LAMA4: variants seen among roughly 807,000 people sequenced by gnomAD.
LAMA4 encodes laminin subunit alpha 4, also known as laminin subunit alpha-4.
Under a neutral mutation model 207.1 loss-of-function variants are expected in LAMA4, and 127 were observed. That is an observed-to-expected ratio of 0.61 (90% CI 0.53 to 0.71). The LOEUF is 0.71. Ranked by LOEUF, LAMA4 falls within the 30% of genes least tolerant of loss-of-function variation. The pLI, the probability that LAMA4 is intolerant of heterozygous loss-of-function variation, is 0.00. For missense variants in LAMA4, 2,093 were observed against 2,246.5 expected, an observed-to-expected ratio of 0.93 and a Z score of 1.38; for synonymous variants, 761 against 816.0, an observed-to-expected ratio of 0.93 and a Z score of 1.15.
At chr6:112,249,591 A>C (rs1180976996) in intron 2 of LAMA4, among the ~76,000 whole-genome samples, 1 of 151,954 alleles carries the variant, frequency 6.6e-6, no homozygotes, top group African/African-American at 2.4e-5. Context: ...TGTGCTGCTT[A>C]CAAGCAGGGG....
Position 112,185,224 on chromosome 6 carries a change from C to G in LAMA4, c.1077+13G>C, listed in dbSNP as rs782675135. 2.7e-6 allele frequency: 4 copies of G among 1,508,424 alleles called. No individual in the cohort carries two copies. In the South Asian group the frequency reaches 4.5e-5, roughly 17 times the overall value. The allele number at this position is 1,508,424 out of a possible 1,614,324, so 93.4% of individuals were successfully genotyped here. A position where few individuals can be genotyped will look rare whatever the true frequency, so the allele number is the denominator to read the frequency against. ...TGAAGGCTGTCCCAGAAACTGAATA[C>G]ATACATACGTACCTTTTCAACTAAT... On this transcript the variant is annotated intron_variant, in intron 9 of 38. Transcript: ENST00000230538.
Position 112,229,751 on chromosome 6 carries a change from G to A in LAMA4, c.196-13282C>T, listed in dbSNP as rs147664018. 3.2e-3 allele frequency among the ~76,000 whole-genome samples: 492 copies of A among 152,306 alleles called. 3 individuals are homozygous for A. The highest frequency in any genetic ancestry group is 0.01 in the African/African-American group (432 of 41,570). On this transcript the variant is annotated intron_variant, in intron 2 of 38. Transcript: ENST00000230538. ...TCTAAAGAAAGATGGATTTCACTCCGCGTATCATAATTCCTCTATCATAAT... is the reference window on the plus strand; with the variant it reads ...TCTAAAGAAAGATGGATTTCACTCCACGTATCATAATTCCTCTATCATAAT...
intron 3 of LAMA4, among the ~76,000 whole-genome samples, chr6:112,215,137 G>A (rs41375645): frequency 0.015 from 2,341 of 152,270 alleles, 72 homozygotes; most frequent in African/African-American, 0.053. Flanking sequence ...ACAGGAAACC[G>A]GAGATGGAAG....
Position 112,109,116 on chromosome 6 carries a change from ATG to A in LAMA4, c.*319_*320del, listed in dbSNP as rs1325969661. The stretch of plus-strand genomic sequence containing the variant: ...CTGAGAATCTAGCCGCACTTCAAAA[ATG>A]TGTGCAAGTGTTTATTTGGAATCCC... On this transcript the variant is annotated 3_prime_UTR_variant, in exon 39 of 39. Transcript: ENST00000230538. 1 of 330,228 alleles carries A rather than the reference ATG, an allele frequency of 3.0e-6. No individual in the cohort carries two copies. The highest frequency in any genetic ancestry group is 5.7e-6 in the Non-Finnish European group (1 of 174,352). The allele number at this position is 330,228 out of a possible 1,614,324, so 20.5% of individuals were successfully genotyped here.
Position 112,114,114 on chromosome 6 carries a change from A to G in LAMA4, c.5288T>C (p.Ile1763Thr), listed in dbSNP as rs782557878. Residue 1763 changes from isoleucine (I) to threonine (T), a missense_variant, in exon 38 of 39, where the codon ATT (isoleucine) becomes ACT (threonine). By Grantham distance (89) the Ile-to-Thr change is moderately conservative (BLOSUM62 -1). Transcript: ENST00000230538. ...HVVGPLNPKP[I>T]DHREPVFVGG... ...AACAAACACAGGCTCCCTGTGATCA[A>G]TTGGTTTTGGATTCAGGGGTCCAAC... The G allele has an allele frequency of 4.3e-6, 7 of 1,613,852 alleles. No homozygotes were observed. The highest frequency in any genetic ancestry group is 1.6e-4 in the Middle Eastern group (1 of 6,084).
Position 112,187,527 on chromosome 6 carries a change from C to G in LAMA4, c.889G>C (p.Gly297Arg). 6.2e-7 allele frequency: 1 copy of G among 1,614,110 alleles called. No individual in the cohort carries two copies. The highest frequency in any genetic ancestry group is 8.5e-7 in the Non-Finnish European group (1 of 1,180,008). The change falls in exon 8 of 39, where the codon GGG becomes CGG. Residue 297 changes from glycine to arginine, a missense_variant. Physicochemically the swap from Gly to Arg is moderately radical, Grantham distance 125 (BLOSUM62 -2). Around this residue, in one of 3 missense-constraint regions of LAMA4, gnomAD observed 1,704 missense variants for 1,788.4 expected, o/e 0.95. Coordinates refer to ENST00000230538, the MANE Select transcript of LAMA4 (RefSeq NM_001105206.3). ...GCCCCAGAGGATACGCTCAGCACCC[C>G]GGATTTGCCTTCCTCGATGGAGAGC... ...AALSIEEGKSGVLSVSSGAAA... is the reference protein window; with the variant it reads ...AALSIEEGKSRVLSVSSGAAA...
chr6:112,179,146 A>G (rs1782196501), intron 9 of LAMA4: 1 of 152,180 alleles, frequency 6.6e-6, no homozygotes, highest in African/African-American at 2.4e-5. Context: ...TTCTCCGAGA[A>G]GCTGATTCCA....
intron 2 of LAMA4, among the ~76,000 whole-genome samples, chr6:112,232,851 T>A (rs1388465488): frequency 6.6e-6 from 1 of 152,190 alleles, no homozygotes; most frequent in African/African-American, 2.4e-5. Context: ...TTTAAAGCAA[T>A]TCTGTTATCT....
At chr6:112,177,658 G>A (rs1201669366) in intron 10 of LAMA4, among the ~76,000 whole-genome samples, 1 of 152,174 alleles carries the variant, frequency 6.6e-6, no homozygotes, top group South Asian at 2.1e-4. Context: ...TTTTCTTCTG[G>A]GTTGGGGCCC....
chr6:112,154,252 A>T (rs1554336340), intron 16 of LAMA4, among the ~76,000 whole-genome samples: 1 of 151,252 alleles, frequency 6.6e-6, no homozygotes, highest in African/African-American at 2.4e-5. Context: ...TCACCCTTGG[A>T]TGTGCACACT....
At chr6:112,244,285 C>T (rs1441368285) in intron 2 of LAMA4, among the ~76,000 whole-genome samples, 1 of 152,076 alleles carries the variant, frequency 6.6e-6, no homozygotes. Context: ...CATTAGCATA[C>T]CAAAAGAAAC....
rs1554333497 is a variant in LAMA4, at chr6:112,142,238, T to G, written c.2548A>C (p.Thr850Pro). The change falls in exon 20 of 39, where the codon ACC (threonine) becomes CCC (proline). Residue 850 changes from threonine (T) to proline (P), a missense_variant. Physicochemically the swap from Thr to Pro is conservative, Grantham distance 38 (BLOSUM62 -1). This residue lies in a region of LAMA4 where 1,704 missense variants were observed against 1,788.4 expected (regional missense o/e 0.95). Coordinates refer to ENST00000230538, the MANE Select transcript of LAMA4 (RefSeq NM_001105206.3). ...AAGGCCTTTAAGTCATCCATACTGG[T>G]TCTCGAGTGCACTTCCACAGCTGAC... is the stretch of plus-strand genomic sequence containing the variant. ...GQSAVEVHSRTSMDDLKAFTS... is the reference protein window; with the variant it reads ...GQSAVEVHSRPSMDDLKAFTS... 3.7e-6 allele frequency: 6 copies of G among 1,614,114 alleles called. No homozygotes were observed. Among genetic ancestry groups the G allele is most frequent in the Non-Finnish European group, 5.1e-6 (6 of 1,179,990 alleles).
intron 35 of LAMA4, among the ~76,000 whole-genome samples, chr6:112,116,989 A>T (rs73541491): frequency 0.058 from 8,801 of 152,162 alleles, 831 homozygotes; most frequent in African/African-American, 0.2. Context: ...TTAAAAAGTA[A>T]ACTTGGCTGC....
chr6:112,126,035 T>C (rs918805930), intron 31 of LAMA4, among the ~76,000 whole-genome samples: 34 of 152,210 alleles, frequency 2.2e-4, no homozygotes, highest in African/African-American at 7.7e-4. Flanking sequence ...CTATGGTGAT[T>C]CTGTATCTTG....
At chr6:112,193,107 A>G (rs1254557702) in intron 5 of LAMA4, among the ~76,000 whole-genome samples, 12 of 152,180 alleles carry the variant, frequency 7.9e-5, no homozygotes, top group Admixed American at 7.9e-4. Flanking sequence ...ACACTTTGAG[A>G]GTAGCTGGAA....
At chr6:112,134,340 T>TA in intron 26 of LAMA4, 127 bp downstream of exon 26, 1 of 866,110 alleles carries the variant, frequency 1.2e-6, no homozygotes, top group Non-Finnish European at 1.9e-6. Flanking sequence ...TGAATGTGTG[T>TA]ACCTGTGCCT....
chr6:112,253,766 A>G (rs184856891), intron 2 of LAMA4, 190 bp downstream of exon 2: 901 of 1,613,970 alleles, frequency 5.6e-4, no homozygotes, highest in Non-Finnish European at 7.0e-4. Flanking sequence ...TCAACTTTCA[A>G]CTCTCAACAT....
At chr6:112,240,521 A>T (rs868929025) in intron 2 of LAMA4, among the ~76,000 whole-genome samples, 1 of 152,168 alleles carries the variant, frequency 6.6e-6, no homozygotes, top group Non-Finnish European at 1.5e-5. Flanking sequence ...TGTGCCCATT[A>T]ACAATTCCCA....
chr6:112,172,822 TA>T lies in LAMA4; in HGVS notation c.1358-19del. The T allele has an allele frequency of 1.2e-6, 2 of 1,609,250 alleles. No homozygotes were observed. The highest frequency in any genetic ancestry group is 1.7e-6 in the Non-Finnish European group (2 of 1,176,064). On this transcript the variant is annotated intron_variant, in intron 11 of 38. Transcript: ENST00000230538. ...GCTCAGTACTGGGAAGAAATGGAGA[TA>T]AAGGCTCAGTGTGGCTTTCTCCTGT...
Sources: gnomAD v4.1 joint callset for allele counts (sites outside exome capture counted in the v4.1 genomes callset) on GRCh38, gnomAD v4.1.1 for gene constraint, gnomAD v4.1.1 regional missense constraint, MANE v1.5 for transcripts, NCBI Gene and HGNC (gene_info 2026-07-23, HGNC 2026-07-21) for gene names.